The following GABRB1 variants were observed in gnomAD, a reference collection of about 807,000 sequenced individuals.
GABRB1 encodes the protein gamma-aminobutyric acid receptor subunit beta-1.
In GABRB1, 17 loss-of-function variants were observed where a neutral mutation model predicts 51.6. The ratio of observed to expected loss-of-function variants is 0.33; its 90% CI spans 0.23 to 0.49. The LOEUF is 0.49. Ranked by LOEUF, GABRB1 falls within the 20% of genes least tolerant of loss-of-function variation. The probability of loss-of-function intolerance (pLI) is 0.99; values close to 1 mark genes in which losing one functional copy is unlikely to be tolerated. For missense variants in GABRB1, 410 were observed against 600.6 expected, an observed-to-expected ratio of 0.68 and a Z score of 3.32; for synonymous variants, 247 against 218.9, an observed-to-expected ratio of 1.13 and a Z score of -1.14.
At chr4:46,998,595 G>T (rs577763322) in intron 1 of GABRB1, among the ~76,000 whole-genome samples, 2 of 151,824 alleles carry the variant, frequency 1.3e-5, no homozygotes, top group African/African-American at 2.4e-5. Flanking sequence ...TTAGCCAGGC[G>T]TGGTGGCAGG....
At chr4:47,134,986 T>C (rs1271404037) in intron 3 of GABRB1, among the ~76,000 whole-genome samples, 1 of 151,994 alleles carries the variant, frequency 6.6e-6, no homozygotes, top group African/African-American at 2.4e-5. Context: ...ATTAGCCAGG[T>C]GTAGTGGCAT....
intron 5 of GABRB1, among the ~76,000 whole-genome samples, chr4:47,357,744 G>C (rs140660286): frequency 2.4e-4 from 36 of 152,276 alleles, no homozygotes; most frequent in Admixed American, 4.6e-4. Flanking sequence ...CCTGAGACCA[G>C]TTCTACAGCA....
At chr4:47,305,346 A>T (rs1724427878) in intron 4 of GABRB1, among the ~76,000 whole-genome samples, 1 of 152,136 alleles carries the variant, frequency 6.6e-6, no homozygotes, top group African/African-American at 2.4e-5. Flanking sequence ...TAGTCAGGAG[A>T]AAGAAAATGG....
chr4:47,226,655 C>T (rs1259095476), intron 4 of GABRB1, among the ~76,000 whole-genome samples: 1 of 152,000 alleles, frequency 6.6e-6, no homozygotes, highest in African/African-American at 2.4e-5. Context: ...CCAAGTATCC[C>T]TTGAGGACTA....
intron 3 of GABRB1, among the ~76,000 whole-genome samples, chr4:47,159,999 T>G (rs1259792410): frequency 6.6e-6 from 1 of 152,150 alleles, no homozygotes; most frequent in Non-Finnish European, 1.5e-5. Flanking sequence ...TTTAGGATTT[T>G]ACTGCTGCCA....
intron 3 of GABRB1, among the ~76,000 whole-genome samples, chr4:47,055,774 C>T (rs917142764): frequency 2.0e-5 from 3 of 152,154 alleles, no homozygotes; most frequent in African/African-American, 7.2e-5. Flanking sequence ...ATCCTTTGGG[C>T]ACCTTGCGTG....
chr4:47,276,438 T>G (rs1723080435), intron 4 of GABRB1, among the ~76,000 whole-genome samples: 2 of 152,146 alleles, frequency 1.3e-5, no homozygotes, highest in South Asian at 4.1e-4. Context: ...GATACCTGAA[T>G]ATTCTAACCT....
intron 4 of GABRB1, among the ~76,000 whole-genome samples, chr4:47,235,446 G>T (rs1421195452): frequency 1.3e-5 from 2 of 152,108 alleles, no homozygotes; most frequent in African/African-American, 4.8e-5. Flanking sequence ...CTACTCAGGA[G>T]GGTGAGGCAG....
intron 3 of GABRB1, among the ~76,000 whole-genome samples, chr4:47,046,984 C>G (rs1448027695): frequency 6.6e-6 from 1 of 151,990 alleles, no homozygotes; most frequent in Non-Finnish European, 1.5e-5. Flanking sequence ...GCACTGGAGC[C>G]TATCAGAGGC....
chr4:47,006,044 T>G (rs1033330551), intron 1 of GABRB1, among the ~76,000 whole-genome samples: 4 of 151,832 alleles, frequency 2.6e-5, no homozygotes, highest in African/African-American at 9.7e-5. Flanking sequence ...TTTCTTTTGT[T>G]TTATTTTGCT....
rs187430144 is a variant in GABRB1, at chr4:47,301,047, G to C, written c.462-19080G>C. On this transcript the variant is annotated intron_variant, in intron 4 of 8. Transcript: ENST00000295454. ...GCTGTCACCAATGTAGAATAAATTA[G>C]TGGCTATAAGCAAACCAGAAACAAA... is the stretch of plus-strand genomic sequence containing the variant. 1.3e-3 allele frequency among the ~76,000 whole-genome samples: 192 copies of C among 152,212 alleles called. 1 individual carries two copies. The highest frequency in any genetic ancestry group is 5.4e-3 in the South Asian group (26 of 4,822).
intron 5 of GABRB1, among the ~76,000 whole-genome samples, chr4:47,346,078 A>C (rs779828737): frequency 6.6e-6 from 1 of 151,836 alleles, no homozygotes; most frequent in Non-Finnish European, 1.5e-5. Context: ...TACCCCTATC[A>C]ATAACAGTGA....
At chr4:47,217,658 T>A (rs1720606506) in intron 4 of GABRB1, among the ~76,000 whole-genome samples, 1 of 151,768 alleles carries the variant, frequency 6.6e-6, no homozygotes, top group Non-Finnish European at 1.5e-5. Flanking sequence ...CTTATTTATT[T>A]CCTTTTTAGA....
chr4:47,208,803 C>T (rs1441051262), intron 4 of GABRB1, among the ~76,000 whole-genome samples: 1 of 152,076 alleles, frequency 6.6e-6, no homozygotes, highest in African/African-American at 2.4e-5. Context: ...ATGGTATTTT[C>T]ATTTCTACCC....
At chr4:47,370,644 A>G (rs1578128381) in intron 5 of GABRB1, among the ~76,000 whole-genome samples, 1 of 152,208 alleles carries the variant, frequency 6.6e-6, no homozygotes, top group Non-Finnish European at 1.5e-5. Flanking sequence ...AATTGCTATG[A>G]GCACCAAATG....
intron 5 of GABRB1, among the ~76,000 whole-genome samples, chr4:47,394,458 T>C (rs192616955): frequency 1.9e-5 from 1 of 52,170 alleles, no homozygotes; most frequent in East Asian, 6.4e-4. Context: ...AGTCATTCAT[T>C]TGTGAAGTGT....
At chr4:47,248,419 G>C (rs951684607) in intron 4 of GABRB1, among the ~76,000 whole-genome samples, 41 of 152,060 alleles carry the variant, frequency 2.7e-4, no homozygotes, top group Non-Finnish European at 8.8e-5. Flanking sequence ...GATTCAGTTA[G>C]ATAGTATTTT....
At chr4:47,341,107 G>A (rs1725875362) in intron 5 of GABRB1, among the ~76,000 whole-genome samples, 1 of 152,170 alleles carries the variant, frequency 6.6e-6, no homozygotes, top group African/African-American at 2.4e-5. Context: ...TGTGGCACCT[G>A]CATATTGATA....
At chr4:47,077,518 T>G (rs941086531) in intron 3 of GABRB1, among the ~76,000 whole-genome samples, 1 of 152,128 alleles carries the variant, frequency 6.6e-6, no homozygotes, top group African/African-American at 2.4e-5. Context: ...AAATATATTT[T>G]GAGTAGAATG....
Sources: allele counts gnomAD v4.1 joint callset (sites outside exome capture counted in the v4.1 genomes callset), GRCh38; gene constraint gnomAD v4.1.1; transcripts MANE v1.5; gene names NCBI Gene and HGNC (gene_info 2026-07-23, HGNC 2026-07-21).